NAV3: variants seen among roughly 807,000 people sequenced by gnomAD.
The protein encoded by NAV3 is pore membrane and/or filament interacting like protein 1.
NAV3 carries 87 observed loss-of-function variants against 244.7 expected under a neutral mutation model. The observed-to-expected ratio is 0.36, with a 90% CI of 0.30 to 0.42. The LOEUF (loss-of-function observed/expected upper bound fraction) is 0.42, where lower values mean the gene tolerates loss of function less well. NAV3 is among the 20% of genes least tolerant of loss of function. NAV3 has a pLI of 1.00. For synonymous variants in NAV3, 1,126 were observed against 1,042.2 expected (o/e 1.08, Z -1.55); for missense variants, 2,663 against 2,893.3 (o/e 0.92, Z 1.83).
At chr12:78,129,004 G>A in intron 18 of NAV3, 138 bp downstream of exon 18, 1 of 745,464 alleles carries the variant, frequency 1.3e-6, no homozygotes, top group Non-Finnish European at 2.1e-6. Flanking sequence ...CCTTTCATTT[G>A]TGTCATTGTT....
rs2045987 is a variant in NAV3, at chr12:77,957,354, C to A, written c.415-8875C>A. 7.0e-3 allele frequency among the ~76,000 whole-genome samples: 1,061 copies of A among 152,182 alleles called. 10 individuals carry two copies. The highest frequency in any genetic ancestry group is 0.04 in the South Asian group (192 of 4,818). On this transcript the variant is annotated intron_variant, in intron 3 of 39. Transcript: ENST00000397909. ...AATCACTTAGTGTTAAGTGTTGTGC[C>A]ATGGTTTAGATTTAATCACAAACTA...
At chr12:77,976,827 C>T (rs757728560) in intron 5 of NAV3, among the ~76,000 whole-genome samples, 9 of 151,496 alleles carry the variant, frequency 5.9e-5, no homozygotes, top group South Asian at 2.1e-4. Context: ...TACAGGCACA[C>T]GCCACCACAT....
Position 77,584,744 on chromosome 12 carries a change from A to C in NAV3, c.72+12478A>C, listed in dbSNP as rs190847049. On this transcript the variant is annotated intron_variant, in intron 2 of 8. Transcript: ENST00000550042. ...AAGTGATGGCATACTTAGGATTTAG[A>C]ATTTTGGATACAGACAGTATGTGCT... Among the ~76,000 whole-genome samples, 273 of 152,304 alleles carry C rather than the reference A, an allele frequency of 1.8e-3. 2 individuals are homozygous for C. The highest frequency in any genetic ancestry group is 6.2e-3 in the African/African-American group (258 of 41,556).
Position 78,119,313 on chromosome 12 carries a change from A to AG in NAV3, c.3118dup (p.Asp1040GlyfsTer9), listed in dbSNP as rs1955563265. 6.2e-7 allele frequency: 1 copy of AG among 1,614,216 alleles called. No homozygotes were observed. The highest frequency in any genetic ancestry group is 1.3e-5 in the African/African-American group (1 of 75,058). ...GATCATCTCTACAAAGATCTCCTTC[A>AG]GATGCAGGAAAAAGCAGTGGAGATG... is the stretch of plus-strand genomic sequence containing the variant. On this transcript the variant is annotated frameshift_variant, in exon 15 of 40. Transcript: ENST00000397909. LOFTEE classifies it high-confidence loss of function.
intron 30 of NAV3, among the ~76,000 whole-genome samples, chr12:78,184,122 G>T (rs965531282): frequency 1.3e-4 from 19 of 151,818 alleles, no homozygotes; most frequent in South Asian, 4.1e-4. Flanking sequence ...TATTAGCAGA[G>T]TGCTTAAACT....
At chr12:77,999,726 A>T (rs61936181) in intron 7 of NAV3, among the ~76,000 whole-genome samples, 224 of 152,306 alleles carry the variant, frequency 1.5e-3, no homozygotes, top group Non-Finnish European at 2.2e-3. Flanking sequence ...TAGATTTAAG[A>T]TCACAAGAAA....
At chr12:78,189,838 T>A in intron 33 of NAV3, 146 bp from the exon 34 acceptor site, 1 of 622,576 alleles carries the variant, frequency 1.6e-6, no homozygotes, top group Middle Eastern at 4.4e-4. Flanking sequence ...TGGCAACGCA[T>A]ATTTGTGGGA....
chr12:77,930,771 T>A (rs914307384), intron 1 of NAV3, among the ~76,000 whole-genome samples: 1 of 152,212 alleles, frequency 6.6e-6, no homozygotes, highest in Non-Finnish European at 1.5e-5. Flanking sequence ...TTTTGTATAA[T>A]ATATCCTTAT....
chr12:77,927,929 G>C (rs1321338987), intron 1 of NAV3, among the ~76,000 whole-genome samples: 1 of 151,888 alleles, frequency 6.6e-6, no homozygotes, highest in Admixed American at 6.6e-5. Flanking sequence ...GGTTAGAGAA[G>C]GAAAATGCTG....
At chr12:77,878,059 A>T (rs73342717) in intron 1 of NAV3, among the ~76,000 whole-genome samples, 1,669 of 152,190 alleles carry the variant, frequency 0.011, 30 homozygotes, top group African/African-American at 0.039. Context: ...TGTCAAGGTC[A>T]TCAAAAACAA....
chr12:77,868,881 G>A (rs573079719), intron 1 of NAV3, among the ~76,000 whole-genome samples: 155 of 151,890 alleles, frequency 1.0e-3, no homozygotes, highest in African/African-American at 3.6e-3. Flanking sequence ...ACCAGCCTGG[G>A]CAACACAGTG....
chr12:77,873,515 C>T (rs1478542521), intron 1 of NAV3, among the ~76,000 whole-genome samples: 1 of 151,146 alleles, frequency 6.6e-6, no homozygotes, highest in African/African-American at 2.4e-5. Flanking sequence ...TATTTTAATA[C>T]ATTTCTAATA....
chr12:78,141,859 C>A (rs1426863600), intron 20 of NAV3, among the ~76,000 whole-genome samples: 1 of 152,140 alleles, frequency 6.6e-6, no homozygotes, highest in African/African-American at 2.4e-5. Flanking sequence ...CTGATTTAAA[C>A]CATTGCCATT....
intron 2 of NAV3, among the ~76,000 whole-genome samples, chr12:77,803,198 C>T (rs1256334253): frequency 1.3e-5 from 2 of 152,132 alleles, no homozygotes; most frequent in Non-Finnish European, 2.9e-5. Context: ...ATCAACCCAT[C>T]ATCTACATTA....
chr12:77,954,920 G>C (rs1008251320), intron 3 of NAV3, among the ~76,000 whole-genome samples: 2 of 152,100 alleles, frequency 1.3e-5, no homozygotes, highest in Non-Finnish European at 2.9e-5. Flanking sequence ...TTGCAATACT[G>C]ATCATTTCCC....
chr12:77,593,940 T>A (rs1046483009), intron 2 of NAV3, among the ~76,000 whole-genome samples: 2 of 152,112 alleles, frequency 1.3e-5, no homozygotes, highest in African/African-American at 4.8e-5. Flanking sequence ...CACGTGAAAT[T>A]TACATATATA....
At chr12:77,666,631 A>G (rs1873729084) in intron 2 of NAV3, among the ~76,000 whole-genome samples, 1 of 152,210 alleles carries the variant, frequency 6.6e-6, no homozygotes, top group Non-Finnish European at 1.5e-5. Flanking sequence ...AAATTGAATT[A>G]GGAATTAAAT....
In NAV3 at chr12:77,816,968, A is replaced by G. The variant is rs538306677; in HGVS notation, c.73-123351A>G. On this transcript the variant is annotated intron_variant, in intron 2 of 8. Transcript: ENST00000550042. Reference sequence around the variant, plus strand: ...ACTCTAAGAATTCTTCCTTATTGACAAATTGAATTGGGCAAAGGTGTGGCT... The same window carrying G: ...ACTCTAAGAATTCTTCCTTATTGACGAATTGAATTGGGCAAAGGTGTGGCT... 7.2e-5 allele frequency among the ~76,000 whole-genome samples: 11 copies of G among 152,304 alleles called. No homozygotes were observed. In the South Asian group the frequency reaches 2.3e-3, roughly 32 times the overall value.
chr12:77,767,942 G>T (rs80171616), intron 2 of NAV3, among the ~76,000 whole-genome samples: 3,138 of 152,318 alleles, frequency 0.021, 104 homozygotes, highest in African/African-American at 0.067. Flanking sequence ...GGAAGAACAA[G>T]GTATGCAGAC....
Sources: allele counts gnomAD v4.1 joint callset (sites outside exome capture counted in the v4.1 genomes callset), GRCh38; gene constraint gnomAD v4.1.1; transcripts MANE v1.5; gene names NCBI Gene and HGNC (gene_info 2026-07-23, HGNC 2026-07-21).